The following STIM2 variants were observed in gnomAD, a reference collection of about 807,000 sequenced individuals.
STIM2 encodes the protein stromal interaction molecule 2.
STIM2 carries 31 observed loss-of-function variants against 85.8 expected under a neutral mutation model. That is an observed-to-expected ratio of 0.36 (90% CI 0.27 to 0.49). The LOEUF (loss-of-function observed/expected upper bound fraction) is 0.49, where lower values mean the gene tolerates loss of function less well. STIM2 is among the 20% of genes least tolerant of loss of function. The probability of loss-of-function intolerance (pLI) is 0.98; values close to 1 mark genes in which losing one functional copy is unlikely to be tolerated. For missense variants in STIM2, 841 were observed against 927.6 expected, an observed-to-expected ratio of 0.91 and a Z score of 1.21; for synonymous variants, 356 against 331.1, an observed-to-expected ratio of 1.08 and a Z score of -0.82.
chr4:27,017,926 G>A lies in STIM2; in HGVS notation c.1705G>A (p.Ala569Thr). The A allele has an allele frequency of 6.2e-7, 1 of 1,614,074 alleles. No individual in the cohort carries two copies. Among genetic ancestry groups the A allele is most frequent in the South Asian group, 1.1e-5 (1 of 91,074 alleles). ...TATCCTCTCAGTGTCAAGTTGCCCTGCGCTTTATCGAAATGAAGAGGAGGA... is the reference window on the plus strand; with the variant it reads ...TATCCTCTCAGTGTCAAGTTGCCCTACGCTTTATCGAAATGAAGAGGAGGA... The change falls in exon 11 of 12, where the codon GCG (alanine) becomes ACG (threonine). Residue 569 changes from alanine to threonine, a missense_variant. Around this residue, in one of 3 missense-constraint regions of STIM2, gnomAD observed 293 missense variants for 284.5 expected, o/e 1.03. Transcript: ENST00000467087.
At chr4:26,861,427 C>A in intron 1 of STIM2, 58 bp downstream of exon 1, 1 of 1,257,984 alleles carries the variant, frequency 7.9e-7, no homozygotes, top group South Asian at 2.9e-5. Flanking sequence ...ACCCCCAACC[C>A]GTGCAGAGGT....
intron 1 of STIM2, among the ~76,000 whole-genome samples, chr4:26,890,443 A>G (rs1329357560): frequency 6.6e-6 from 1 of 152,180 alleles, no homozygotes; most frequent in Non-Finnish European, 1.5e-5. Context: ...CACCCAGTTC[A>G]TAATGGGCAG....
chr4:26,890,728 G>T (rs1461654252), intron 1 of STIM2, among the ~76,000 whole-genome samples: 3 of 150,870 alleles, frequency 2.0e-5, no homozygotes, highest in South Asian at 2.1e-4. Flanking sequence ...GGAGGCTGAG[G>T]CAGGAGAATG....
intron 3 of STIM2, among the ~76,000 whole-genome samples, chr4:26,973,489 G>A (rs573293539): frequency 1.3e-5 from 2 of 152,088 alleles, no homozygotes; most frequent in South Asian, 2.1e-4. Context: ...CCTTCATTTC[G>A]TTATTTTCCC....
At chr4:26,951,464 G>C (rs1196562009) in intron 2 of STIM2, among the ~76,000 whole-genome samples, 1 of 152,136 alleles carries the variant, frequency 6.6e-6, no homozygotes, top group Non-Finnish European at 1.5e-5. Context: ...ATACGGCACA[G>C]TTGTTTGTTT....
chr4:26,960,935 G>A (rs1381904671), intron 3 of STIM2, among the ~76,000 whole-genome samples: 3 of 151,296 alleles, frequency 2.0e-5, no homozygotes, highest in Admixed American at 1.3e-4. Context: ...TTGTTGGTGC[G>A]CTCCCGTCAT....
chr4:26,885,861 A>ATATATG lies in STIM2; in HGVS notation c.151+24497_151+24498insGTATAT, dbSNP rs1553845034. 1.1e-3 allele frequency among the ~76,000 whole-genome samples: 83 copies of ATATATG among 77,704 alleles called. 1 individual carries two copies. Among genetic ancestry groups the ATATATG allele is most frequent in the African/African-American group, 4.2e-3 (76 of 17,898 alleles). The allele number at this position is 77,704 out of a possible 152,430, so 51.0% of individuals were successfully genotyped here. A position where few individuals can be genotyped will look rare whatever the true frequency, so the allele number is the denominator to read the frequency against. On this transcript the variant is annotated intron_variant, in intron 1 of 11. Coordinates refer to ENST00000467087, the MANE Select transcript of STIM2 (RefSeq NM_020860.4). Reference sequence around the variant, plus strand: ...TATATATATATATATATATATATATATATATATATATATGTATATGTCTAT... The same window carrying ATATATG: ...TATATATATATATATATATATATATATATATGTATATATATATATGTATATGTCTAT...
At chr4:26,972,792 T>C (rs1309115762) in intron 3 of STIM2, among the ~76,000 whole-genome samples, 3 of 152,230 alleles carry the variant, frequency 2.0e-5, no homozygotes, top group Non-Finnish European at 1.5e-5. Flanking sequence ...TTCCTGTTGA[T>C]TGGAATAGTT....
intron 1 of STIM2, among the ~76,000 whole-genome samples, chr4:26,867,391 C>T (rs936406134): frequency 6.6e-6 from 1 of 151,910 alleles, no homozygotes; most frequent in African/African-American, 2.4e-5. Flanking sequence ...ACAAAGTTGT[C>T]GACAGAAAAA....
intron 2 of STIM2, among the ~76,000 whole-genome samples, chr4:26,942,135 T>C (rs979139569): frequency 1.3e-5 from 2 of 152,178 alleles, no homozygotes; most frequent in African/African-American, 2.4e-5. Context: ...TTTCTCTCAC[T>C]GTCTGTGTCA....
intron 1 of STIM2, among the ~76,000 whole-genome samples, chr4:26,912,417 T>C (rs1165190130): frequency 6.6e-6 from 1 of 152,236 alleles, no homozygotes; most frequent in African/African-American, 2.4e-5. Context: ...TTCAGCTTCA[T>C]TTCTTTCTTA....
chr4:26,873,952 G>A, intron 1 of STIM2: 2 of 1,292,812 alleles, frequency 1.5e-6, no homozygotes, highest in South Asian at 1.2e-5. Context: ...TCTGGCTCAG[G>A]CTGTGAGTCA....
At chr4:26,960,043 G>C (rs913331394) in intron 3 of STIM2, among the ~76,000 whole-genome samples, 8 of 152,104 alleles carry the variant, frequency 5.3e-5, no homozygotes, top group African/African-American at 1.9e-4. Context: ...GTCAGACTCT[G>C]TTTATTAAAG....
chr4:26,978,272 T>C (rs1343905791), intron 3 of STIM2, among the ~76,000 whole-genome samples: 2 of 142,116 alleles, frequency 1.4e-5, no homozygotes, highest in African/African-American at 5.0e-5. Context: ...ATTTAAATCA[T>C]ATATATATTT....
At chr4:26,961,838 C>T (rs1726484516) in intron 3 of STIM2, among the ~76,000 whole-genome samples, 1 of 152,076 alleles carries the variant, frequency 6.6e-6, no homozygotes, top group Admixed American at 6.5e-5. Flanking sequence ...GATCATACCT[C>T]ACTGCAGCCT....
At chr4:26,937,740 GCCATATGGCTTAT>G (rs1286668361) in intron 2 of STIM2, among the ~76,000 whole-genome samples, 4 of 152,016 alleles carry the variant, frequency 2.6e-5, no homozygotes, top group African/African-American at 9.7e-5. Context: ...AATCACCTTC[GCCATATGGCTTAT>G]CAGCCTGCTT....
At chr4:26,993,756 C>T (rs1214456970) in intron 3 of STIM2, among the ~76,000 whole-genome samples, 1 of 152,244 alleles carries the variant, frequency 6.6e-6, no homozygotes, top group Admixed American at 6.5e-5. Flanking sequence ...CTCTGAACTG[C>T]GTCCAGCGCT....
At chr4:26,947,443 T>G (rs968313173) in intron 2 of STIM2, among the ~76,000 whole-genome samples, 1 of 152,218 alleles carries the variant, frequency 6.6e-6, no homozygotes, top group Non-Finnish European at 1.5e-5. Context: ...AATGTCTTGA[T>G]TCAGGTACTC....
At chr4:27,008,013 A>T in intron 8 of STIM2, 1 of 717,148 alleles carries the variant, frequency 1.4e-6, no homozygotes, top group African/African-American at 1.7e-5. Flanking sequence ...TCAGGTTAGT[A>T]GTTACTGGAA....
Sources: gnomAD v4.1 joint callset for allele counts (sites outside exome capture counted in the v4.1 genomes callset) on GRCh38, gnomAD v4.1.1 for gene constraint, gnomAD v4.1.1 regional missense constraint, MANE v1.5 for transcripts, NCBI Gene and HGNC (gene_info 2026-07-23, HGNC 2026-07-21) for gene names.